The following DOCK4 variants were observed in gnomAD, a reference collection of about 807,000 sequenced individuals.
DOCK4 encodes the protein dedicator of cytokinesis 4.
A neutral mutation model predicts 268.1 loss-of-function variants in DOCK4; 97 were observed. The ratio of observed to expected loss-of-function variants is 0.36; its 90% CI spans 0.31 to 0.43. The LOEUF is 0.43. Ranked by LOEUF, DOCK4 falls within the 20% of genes least tolerant of loss-of-function variation. The pLI is 1.00. For missense variants in DOCK4, 2,145 were observed against 2,455.7 expected (o/e 0.87, Z 2.67); for synonymous variants, 954 against 887.2 (o/e 1.08, Z -1.34).
rs1815380192 is a variant in DOCK4 at position 112,145,442 on chromosome 7, T to C, written c.37+60660A>G. Reference sequence around the variant, plus strand: ...CATAAAACTGAGGCACATGCAGGCATATGTTGTTTGGGAAAAGGGCCGCGG... The same window carrying C: ...CATAAAACTGAGGCACATGCAGGCACATGTTGTTTGGGAAAAGGGCCGCGG... On this transcript the variant is annotated intron_variant, in intron 1 of 52. Coordinates refer to ENST00000428084, the MANE Select transcript of DOCK4 (RefSeq NM_001363540.2). Among the ~76,000 whole-genome samples the C allele has an allele frequency of 2.0e-5, 3 of 152,210 alleles. No individual in the cohort carries two copies. In the South Asian group the frequency reaches 6.2e-4, roughly 31 times the overall value.
chr7:112,198,387 T>G (rs1820646459), intron 1 of DOCK4, among the ~76,000 whole-genome samples: 1 of 152,192 alleles, frequency 6.6e-6, no homozygotes, highest in Admixed American at 6.5e-5. Context: ...TTTCTTTTGT[T>G]TAAACTATCC....
At chr7:112,061,746 C>CAT (rs1806421891) in intron 1 of DOCK4, among the ~76,000 whole-genome samples, 1 of 145,460 alleles carries the variant, frequency 6.9e-6, no homozygotes, top group Non-Finnish European at 1.5e-5. Context: ...ATGTCACACA[C>CAT]ACACACACAC....
At chr7:111,973,817 G>C (rs536436897) in intron 8 of DOCK4, among the ~76,000 whole-genome samples, 1 of 152,012 alleles carries the variant, frequency 6.6e-6, no homozygotes, top group Non-Finnish European at 1.5e-5. Context: ...CTGGTGGAGG[G>C]TACATAAGGG....
At chr7:111,808,934 T>C in intron 29 of DOCK4, 55 bp from the exon 30 acceptor site, 2 of 1,560,650 alleles carry the variant, frequency 1.3e-6, no homozygotes, top group African/African-American at 1.3e-5. Context: ...CAAGGAAGTA[T>C]TTGTGTGTCT....
At chr7:112,007,951 A>C (rs1219091629) in intron 1 of DOCK4, among the ~76,000 whole-genome samples, 2 of 152,232 alleles carry the variant, frequency 1.3e-5, no homozygotes, top group Non-Finnish European at 2.9e-5. Flanking sequence ...CTCTTTATAC[A>C]AAAGTTTATT....
intron 1 of DOCK4, among the ~76,000 whole-genome samples, chr7:112,161,297 T>TA (rs1471048837): frequency 6.6e-6 from 1 of 152,212 alleles, no homozygotes; most frequent in East Asian, 1.9e-4. Flanking sequence ...GAATAGGATG[T>TA]ATGCCCATTG....
chr7:111,952,908 A>G (rs1394651506), intron 8 of DOCK4, among the ~76,000 whole-genome samples: 1 of 152,202 alleles, frequency 6.6e-6, no homozygotes, highest in Non-Finnish European at 1.5e-5. Context: ...AGCATATCTG[A>G]AAAAGCAGTC....
intron 1 of DOCK4, among the ~76,000 whole-genome samples, chr7:112,031,920 CT>C (rs1314292592): frequency 6.6e-6 from 1 of 152,124 alleles, no homozygotes; most frequent in East Asian, 1.9e-4. Context: ...AACGGTATTG[CT>C]TCCTGGAAAT....
At chr7:112,095,231 G>A (rs74517739) in intron 1 of DOCK4, among the ~76,000 whole-genome samples, 1,915 of 152,178 alleles carry the variant, frequency 0.013, 43 homozygotes, top group African/African-American at 0.044. Flanking sequence ...CAATGAAATT[G>A]AGTTGAGAGG....
At chr7:112,015,053 T>C (rs1445657239) in intron 1 of DOCK4, among the ~76,000 whole-genome samples, 1 of 152,164 alleles carries the variant, frequency 6.6e-6, no homozygotes, top group Non-Finnish European at 1.5e-5. Context: ...TGGGCATTCT[T>C]AGTCATAGGA....
intron 1 of DOCK4, among the ~76,000 whole-genome samples, chr7:112,185,759 G>A (rs532491732): frequency 3.3e-5 from 5 of 152,278 alleles, no homozygotes; most frequent in African/African-American, 4.8e-5. Context: ...TCTACTTAAC[G>A]TGTTCCATTC....
intron 1 of DOCK4, among the ~76,000 whole-genome samples, chr7:112,132,816 A>G (rs1201738276): frequency 2.6e-5 from 4 of 152,178 alleles, no homozygotes; most frequent in Non-Finnish European, 4.4e-5. Context: ...TTAAACTTCT[A>G]CTTGGGCACC....
chr7:111,913,448 C>T (rs1191352089), intron 13 of DOCK4, among the ~76,000 whole-genome samples: 2 of 144,128 alleles, frequency 1.4e-5, no homozygotes, highest in African/African-American at 2.6e-5. Flanking sequence ...CTCGCTCTGT[C>T]GCCCAGGCTG....
At position 111,976,157 on chromosome 7, in the gene DOCK4, A is replaced by ATAT. The variant is rs59353212; in HGVS notation, c.701+974_701+975insATA. On this transcript the variant is annotated intron_variant, in intron 8 of 52. Coordinates refer to ENST00000428084, the MANE Select transcript of DOCK4 (RefSeq NM_001363540.2). Reference sequence around the variant, plus strand: ...CTCCATCTCAAAAAAAAAAAAAAAAAAAAAATATATATATATATATACACA... The same window carrying ATAT: ...CTCCATCTCAAAAAAAAAAAAAAAAATATAAAAATATATATATATATATACACA... Among the ~76,000 whole-genome samples the ATAT allele has an allele frequency of 2.9e-3, 232 of 78,848 alleles. 18 individuals carry two copies. The highest frequency in any genetic ancestry group is 3.7e-3 in the Non-Finnish European group (165 of 45,134). 51.7% of individuals were successfully genotyped at this position (78,848 alleles called of 152,430 possible). A position where few individuals can be genotyped will look rare whatever the true frequency, so the allele number is the denominator to read the frequency against.
chr7:111,815,977 T>C (rs995866202), intron 27 of DOCK4, among the ~76,000 whole-genome samples: 1 of 152,086 alleles, frequency 6.6e-6, no homozygotes, highest in Admixed American at 6.6e-5. Context: ...AGGCATGCAG[T>C]AGGATCATTT....
intron 1 of DOCK4, among the ~76,000 whole-genome samples, chr7:112,159,719 A>G (rs955116898): frequency 6.7e-6 from 1 of 149,518 alleles, no homozygotes; most frequent in African/African-American, 2.5e-5. Context: ...CATTTCCACA[A>G]AATAGTCACA....
At chr7:111,986,871 C>G (rs148534449) in intron 6 of DOCK4, among the ~76,000 whole-genome samples, 1 of 152,154 alleles carries the variant, frequency 6.6e-6, no homozygotes, top group African/African-American at 2.4e-5. Context: ...TGATATACAA[C>G]GTGAGATGGA....
intron 16 of DOCK4, among the ~76,000 whole-genome samples, chr7:111,880,252 T>C (rs1274538787): frequency 6.6e-6 from 1 of 152,124 alleles, no homozygotes; most frequent in Non-Finnish European, 1.5e-5. Context: ...GGTGGAAATC[T>C]TACAGGCAAA....
At chr7:111,797,662 A>G (rs1799993962) in intron 30 of DOCK4, among the ~76,000 whole-genome samples, 1 of 152,180 alleles carries the variant, frequency 6.6e-6, no homozygotes, top group Admixed American at 6.5e-5. Flanking sequence ...AAACCCCAAA[A>G]ACTCAGGAAA....
Sources: gnomAD v4.1 joint callset for allele counts (sites outside exome capture counted in the v4.1 genomes callset) on GRCh38, gnomAD v4.1.1 for gene constraint, MANE v1.5 for transcripts, NCBI Gene and HGNC (gene_info 2026-07-23, HGNC 2026-07-21) for gene names.